Variants in DOCK9 observed in about 807,000 individuals in gnomAD.
The protein encoded by DOCK9 is dedicator of cytokinesis protein 9.
DOCK9 carries 89 observed loss-of-function variants against 263.3 expected under a neutral mutation model. The observed-to-expected ratio is 0.34, with a 90% CI of 0.28 to 0.40. The LOEUF (loss-of-function observed/expected upper bound fraction) is 0.40, where lower values mean the gene tolerates loss of function less well. Ranked by LOEUF, DOCK9 falls within the 10% of genes least tolerant of loss-of-function variation. The pLI is 1.00. For synonymous variants in DOCK9, 976 were observed against 973.1 expected (o/e 1.00, Z -0.06); for missense variants, 2,140 against 2,603.4 (o/e 0.82, Z 3.87).
chr13:98,853,053 C>T (rs192151175), intron 35 of DOCK9, among the ~76,000 whole-genome samples: 7 of 152,184 alleles, frequency 4.6e-5, no homozygotes, highest in East Asian at 1.9e-4. Flanking sequence ...TTTGTCTGGA[C>T]GAATAAAAAT....
intron 49 of DOCK9, among the ~76,000 whole-genome samples, chr13:98,802,438 G>A (rs925234511): frequency 1.3e-5 from 2 of 152,222 alleles, no homozygotes; most frequent in African/African-American, 4.8e-5. Context: ...CCTTTAGAAA[G>A]GAGGACGGGG....
At chr13:98,943,849 A>C (rs1158519967) in intron 2 of DOCK9, among the ~76,000 whole-genome samples, 1 of 143,702 alleles carries the variant, frequency 7.0e-6, no homozygotes, top group African/African-American at 2.8e-5. Flanking sequence ...ATAAAGAGGG[A>C]TAGGGGATGA....
rs1247457100 is a variant in DOCK9, at chr13:98,829,231, A to G, written c.4965+76T>C. The G allele has an allele frequency of 4.4e-6, 6 of 1,372,618 alleles. No homozygotes were observed. The Middle Eastern group carries it at 5.6e-4, about 128-fold the overall frequency. 85.0% of individuals were successfully genotyped at this position (1,372,618 alleles called of 1,614,324 possible). A position where few individuals can be genotyped will look rare whatever the true frequency, so the allele number is the denominator to read the frequency against. Reference sequence around the variant, plus strand: ...TTTGATTAATGGAATAACTTTTCTCAAAACTGGCTTTTTAAGTGAATGGGG... The same window carrying G: ...TTTGATTAATGGAATAACTTTTCTCGAAACTGGCTTTTTAAGTGAATGGGG... On this transcript the variant is annotated intron_variant, in intron 43 of 52. Coordinates refer to ENST00000682017, the MANE Select transcript of DOCK9 (RefSeq NM_001366683.2). The surrounding 1 kb of genome is among the most constrained non-coding windows in gnomAD (Gnocchi z 4.1).
intron 1 of DOCK9, chr13:99,086,129 C>T: frequency 7.3e-7 from 1 of 1,376,178 alleles, no homozygotes; most frequent in Non-Finnish European, 9.3e-7. Context: ...GCCGCTCTGC[C>T]TCAGCCCTGC....
intron 33 of DOCK9, chr13:98,856,880 G>A (rs1475679333): frequency 6.6e-6 from 1 of 152,122 alleles, no homozygotes; most frequent in African/African-American, 2.4e-5. Context: ...TGACACTAAG[G>A]GTGCTGTGAA....
intron 15 of DOCK9, 129 bp downstream of exon 15, chr13:98,897,359 T>C: frequency 1.7e-6 from 2 of 1,147,614 alleles, no homozygotes; most frequent in Non-Finnish European, 2.5e-6. Context: ...TTTGAGGAAA[T>C]GCTTCACGCT....
chr13:99,032,585 T>C (rs1887463296), intron 1 of DOCK9, among the ~76,000 whole-genome samples: 1 of 152,040 alleles, frequency 6.6e-6, no homozygotes, highest in Admixed American at 6.6e-5. Flanking sequence ...CTTCCTCAAC[T>C]GAAAGGGGAA....
upstream of DOCK9, among the ~76,000 whole-genome samples, chr13:99,087,025 G>A (rs566617227): frequency 6.6e-6 from 1 of 152,114 alleles, no homozygotes; most frequent in African/African-American, 2.4e-5. Context: ...TCACCGGCAG[G>A]GTCGGAGCTC....
chr13:99,003,449 C>A lies in DOCK9; in HGVS notation c.130-47898G>T, dbSNP rs577064613. 3.3e-5 allele frequency among the ~76,000 whole-genome samples: 5 copies of A among 152,322 alleles called. No homozygotes were observed. The East Asian group carries it at 9.6e-4, about 29-fold the overall frequency. On this transcript the variant is annotated intron_variant, in intron 1 of 32. Transcript: ENST00000427887. ...CCTTCCATCCTTCATTACCAGACAT[C>A]TGTCTGTGCTGGGATCCACACTCTA...
chr13:98,925,444 T>G (rs1484032967), intron 4 of DOCK9, among the ~76,000 whole-genome samples: 5 of 152,156 alleles, frequency 3.3e-5, no homozygotes, highest in African/African-American at 4.8e-5. Context: ...AACATAAAAT[T>G]TATTCAATGT....
chr13:98,860,599 C>A, intron 32 of DOCK9, 77 bp from the exon 33 acceptor site: 1 of 1,380,990 alleles, frequency 7.2e-7, no homozygotes, highest in Non-Finnish European at 9.8e-7. Context: ...AGTGCCAGGG[C>A]AAGTGCAGGA....
chr13:98,861,766 C>G (rs2095911520), intron 32 of DOCK9, among the ~76,000 whole-genome samples: 1 of 152,182 alleles, frequency 6.6e-6, no homozygotes, highest in Admixed American at 6.5e-5. Flanking sequence ...GAGATAATTT[C>G]TGGGGTCATC....
chr13:98,824,493 G>T lies in DOCK9; in HGVS notation c.5035C>A (p.Gln1679Lys). ...ATGACCCTGAAGGCGGTGCATCCTT[G>T]TCTAAACACGCCTAGGAAGAGAGGA... ...EYLTRKGVFR[Q>K]GCTAFRVITP... Residue 1679 changes from glutamine to lysine, a missense_variant, in exon 45 of 53, where the codon CAA becomes AAA. Transcript: ENST00000682017. 6.2e-7 allele frequency: 1 copy of T among 1,613,674 alleles called. No individual in the cohort carries two copies. Among genetic ancestry groups the T allele is most frequent in the Non-Finnish European group, 8.5e-7 (1 of 1,179,682 alleles).
At chr13:99,082,274 T>G (rs960284065) in intron 1 of DOCK9, among the ~76,000 whole-genome samples, 11 of 150,602 alleles carry the variant, frequency 7.3e-5, no homozygotes, top group African/African-American at 2.0e-4. Flanking sequence ...TCCTAGCACT[T>G]TGGGAGGCCG....
intron 1 of DOCK9, among the ~76,000 whole-genome samples, chr13:99,036,531 G>A (rs189051356): frequency 1.3e-5 from 2 of 152,154 alleles, no homozygotes; most frequent in Admixed American, 6.5e-5. Flanking sequence ...AAGCCACCTG[G>A]TTGTTGGTTT....
rs776988034 is a variant in DOCK9 at position 98,921,085 on chromosome 13, A to G, written c.586T>C (p.Phe196Leu). Residue 196 changes from phenylalanine (F) to leucine (L), a missense_variant, in exon 7 of 53, where the codon TTT becomes CTT. Coordinates refer to ENST00000682017, the MANE Select transcript of DOCK9 (RefSeq NM_001366683.2). Reference protein sequence around the residue: ...NSAISVTMRSFKRRFFHLIQL... With the variant: ...NSAISVTMRSLKRRFFHLIQL... ...ATCAGGTGGAAAAATCGTCTCTTAA[A>G]TGACTGAGAGAAAAATATACACACA... 2 of 1,597,596 alleles carry G rather than the reference A, an allele frequency of 1.3e-6. No homozygotes were observed. Among genetic ancestry groups the G allele is most frequent in the African/African-American group, 2.7e-5 (2 of 74,438 alleles).
chr13:98,885,549 A>AC lies in DOCK9; in HGVS notation c.2260+158_2260+159insG, dbSNP rs368698550. On this transcript the variant is annotated intron_variant, in intron 20 of 52. Transcript: ENST00000682017. Reference sequence around the variant, plus strand: ...GAGCTCAAAAATTAAAAAAAAAAAAAAAAATTACATATGCAACCCAGACAT... The same window carrying AC: ...GAGCTCAAAAATTAAAAAAAAAAAAACAAAATTACATATGCAACCCAGACAT... 1.9e-4 allele frequency: 149 copies of AC among 802,686 alleles called. No individual in the cohort carries two copies. The African/African-American group carries it at 2.3e-3, about 12-fold the overall frequency. The allele number at this position is 802,686 out of a possible 1,614,324, so 49.7% of individuals were successfully genotyped here.
chr13:99,016,707 GA>G, intron 1 of DOCK9, among the ~76,000 whole-genome samples: 1 of 152,246 alleles, frequency 6.6e-6, no homozygotes, highest in East Asian at 1.9e-4. Flanking sequence ...CTTCAACAAT[GA>G]AAGGCTAACT....
chr13:98,895,416 C>T (rs1457693352), intron 15 of DOCK9, among the ~76,000 whole-genome samples: 1 of 152,138 alleles, frequency 6.6e-6, no homozygotes, highest in East Asian at 1.9e-4. Context: ...CCTGTAATCC[C>T]AGCACTTTGG....
Sources: gnomAD v4.1 joint callset for allele counts (sites outside exome capture counted in the v4.1 genomes callset) on GRCh38, gnomAD v4.1.1 for gene constraint, Gnocchi (gnomAD v3.1) non-coding constraint, MANE v1.5 for transcripts, NCBI Gene and HGNC (gene_info 2026-07-23, HGNC 2026-07-21) for gene names.